GALNT17: variants seen among roughly 807,000 people sequenced by gnomAD.
GALNT17 encodes polypeptide N-acetylgalactosaminyltransferase 17, also known as UDP-GalNAc:polypeptide N-acetylgalactosaminyltransferase-like 3.
Under a neutral mutation model 63.7 loss-of-function variants are expected in GALNT17, and 29 were observed. The ratio of observed to expected loss-of-function variants is 0.46; its 90% CI spans 0.34 to 0.62. The LOEUF (loss-of-function observed/expected upper bound fraction) is 0.62, where lower values mean the gene tolerates loss of function less well. Among genes scored for constraint, GALNT17 ranks in the 20% least tolerant of loss-of-function variants. The pLI is 0.01. For synonymous variants in GALNT17, 305 were observed against 318.3 expected (o/e 0.96, Z 0.45); for missense variants, 603 against 799.6 (o/e 0.75, Z 2.97).
At chr7:71,479,047 G>A (rs1787770897) in intron 5 of GALNT17, among the ~76,000 whole-genome samples, 1 of 152,156 alleles carries the variant, frequency 6.6e-6, no homozygotes, top group Non-Finnish European at 1.5e-5. Context: ...GCAGTTTTGT[G>A]AAATACTAAC....
At chr7:71,265,151 G>A (rs1370071776) in intron 1 of GALNT17, among the ~76,000 whole-genome samples, 2 of 73,498 alleles carry the variant, frequency 2.7e-5, no homozygotes, top group Non-Finnish European at 5.9e-5. Flanking sequence ...TTTTGAGATG[G>A]AGTCTCTCTC....
At chr7:71,266,109 G>A (rs1790487563) in intron 1 of GALNT17, among the ~76,000 whole-genome samples, 1 of 152,066 alleles carries the variant, frequency 6.6e-6, no homozygotes, top group African/African-American at 2.4e-5. Context: ...CTCTGCATCT[G>A]TGGCTGCATG....
chr7:71,347,042 G>A (rs1015052122), intron 2 of GALNT17, among the ~76,000 whole-genome samples: 2 of 152,170 alleles, frequency 1.3e-5, no homozygotes, highest in Admixed American at 1.3e-4. Flanking sequence ...ATTTGCTAAC[G>A]CAGGTCTTCA....
intron 6 of GALNT17, among the ~76,000 whole-genome samples, chr7:71,613,688 A>G (rs1353261463): frequency 6.6e-6 from 1 of 152,074 alleles, no homozygotes; most frequent in Non-Finnish European, 1.5e-5. Flanking sequence ...AAAATCAGGT[A>G]TAAAATCTCA....
At chr7:71,236,145 C>T (rs1789885853) in intron 1 of GALNT17, among the ~76,000 whole-genome samples, 1 of 151,464 alleles carries the variant, frequency 6.6e-6, no homozygotes, top group Non-Finnish European at 1.5e-5. Context: ...CGCGCCACTG[C>T]ACTTCAGCCT....
At chr7:71,539,344 A>G (rs1359579698) in intron 5 of GALNT17, among the ~76,000 whole-genome samples, 1 of 152,100 alleles carries the variant, frequency 6.6e-6, no homozygotes, top group Admixed American at 6.6e-5. Flanking sequence ...ATAAAAATAG[A>G]AATGTGTTTA....
intron 9 of GALNT17, among the ~76,000 whole-genome samples, chr7:71,681,643 A>C (rs1791264040): frequency 1.3e-5 from 2 of 152,218 alleles, no homozygotes; most frequent in African/African-American, 4.8e-5. Context: ...TTACTCCAAG[A>C]GTAGCTGTGA....
chr7:71,452,445 C>T (rs1787279964), intron 5 of GALNT17, among the ~76,000 whole-genome samples: 1 of 152,008 alleles, frequency 6.6e-6, no homozygotes, highest in Admixed American at 6.6e-5. Flanking sequence ...ACTCAGGAGG[C>T]TGAGGCAGGA....
chr7:71,372,073 T>G (rs1283614107), intron 2 of GALNT17, among the ~76,000 whole-genome samples: 1 of 152,218 alleles, frequency 6.6e-6, no homozygotes, highest in African/African-American at 2.4e-5. Context: ...CTTGAACTTG[T>G]AGGCTCAAGT....
At chr7:71,524,903 CT>C (rs1562675867) in intron 5 of GALNT17, among the ~76,000 whole-genome samples, 1 of 152,192 alleles carries the variant, frequency 6.6e-6, no homozygotes, top group Non-Finnish European at 1.5e-5. Flanking sequence ...ACTGTGTTAA[CT>C]GTGTTCATTG....
chr7:71,546,872 C>G (rs550958380), intron 5 of GALNT17, among the ~76,000 whole-genome samples: 120 of 152,336 alleles, frequency 7.9e-4, no homozygotes, highest in South Asian at 5.8e-3. Flanking sequence ...CATTAGCCTC[C>G]TCTCAGAAAC....
At chr7:71,377,140 T>TATATAA (rs1231300985) in intron 2 of GALNT17, among the ~76,000 whole-genome samples, 3 of 109,570 alleles carry the variant, frequency 2.7e-5, no homozygotes, top group African/African-American at 3.8e-5. Context: ...TATATATATA[T>TATATAA]AAAATCTCCT....
intron 5 of GALNT17, among the ~76,000 whole-genome samples, chr7:71,425,524 GA>G (rs1786744182): frequency 6.6e-6 from 1 of 152,068 alleles, no homozygotes; most frequent in Non-Finnish European, 1.5e-5. Flanking sequence ...GCCTGGCCCA[GA>G]ATTTTAAGAG....
chr7:71,487,233 A>T (rs1442623740), intron 5 of GALNT17, among the ~76,000 whole-genome samples: 1 of 151,736 alleles, frequency 6.6e-6, no homozygotes, highest in East Asian at 1.9e-4. Context: ...GGCCTATGAC[A>T]AGTGTCTCCA....
At chr7:71,575,528 A>G (rs1443411491) in intron 6 of GALNT17, among the ~76,000 whole-genome samples, 1 of 151,932 alleles carries the variant, frequency 6.6e-6, no homozygotes, top group Non-Finnish European at 1.5e-5. Context: ...AGCTGGGACT[A>G]CAGGTGCCTG....
intron 5 of GALNT17, among the ~76,000 whole-genome samples, chr7:71,441,029 T>TC (rs1387973685): frequency 6.9e-6 from 1 of 143,908 alleles, no homozygotes; most frequent in Non-Finnish European, 1.5e-5. Flanking sequence ...CTTTTTTTTT[T>TC]GGTTTTTTTT....
chr7:71,239,513 A>C (rs1452391577), intron 1 of GALNT17, among the ~76,000 whole-genome samples: 2 of 152,228 alleles, frequency 1.3e-5, no homozygotes, highest in African/African-American at 2.4e-5. Flanking sequence ...TACTGTGTTC[A>C]TGACTCAGTT....
intron 8 of GALNT17, among the ~76,000 whole-genome samples, chr7:71,673,741 A>G (rs482017): frequency 0.66 from 100,651 of 152,124 alleles, 38,566 homozygotes; most frequent in Non-Finnish European, 0.86. Flanking sequence ...CAGCCTTCCA[A>G]GTAGCTGGGA....
intron 5 of GALNT17, among the ~76,000 whole-genome samples, chr7:71,451,685 T>A (rs975783870): frequency 6.6e-6 from 1 of 152,150 alleles, no homozygotes; most frequent in African/African-American, 2.4e-5. Flanking sequence ...CATTTAATAT[T>A]ATGTATTTCC....
Sources: allele counts gnomAD v4.1 joint callset (sites outside exome capture counted in the v4.1 genomes callset), GRCh38; gene constraint gnomAD v4.1.1; transcripts MANE v1.5; gene names NCBI Gene and HGNC (gene_info 2026-07-23, HGNC 2026-07-21).